Variants in GSDMC observed in about 807,000 individuals in gnomAD.
GSDMC encodes the protein gasdermin-C.
Under a neutral mutation model 58.0 loss-of-function variants are expected in GSDMC, and 59 were observed. The ratio of observed to expected loss-of-function variants is 1.02; its 90% CI spans 0.82 to 1.26. The LOEUF is 1.26. Ranked by LOEUF, GSDMC falls within the 50% of genes most tolerant of loss-of-function variation. The pLI is 0.00. For synonymous variants in GSDMC, 241 were observed against 220.2 expected (o/e 1.09, Z -0.83); for missense variants, 659 against 598.5 (o/e 1.10, Z -1.06).
chr8:129,784,937 G>T (rs1055044735), intron 1 of GSDMC, among the ~76,000 whole-genome samples: 1 of 152,064 alleles, frequency 6.6e-6, no homozygotes, highest in Admixed American at 6.5e-5. Context: ...GATTGGCTGG[G>T]TGCGGTGGCT....
intron 6 of GSDMC, among the ~76,000 whole-genome samples, chr8:129,758,874 A>T (rs1481491329): frequency 6.6e-6 from 1 of 152,174 alleles, no homozygotes; most frequent in Non-Finnish European, 1.5e-5. Flanking sequence ...TCTAAAATTC[A>T]TATGGAAGCA....
chr8:129,729,875 A>C, the GSDMC span: 1 of 1,000,460 alleles, frequency 1.0e-6, no homozygotes, highest in Non-Finnish European at 1.6e-6. Flanking sequence ...TGTAAGCAGT[A>C]TTGCCCCAAC....
chr8:129,736,842 G>C, the GSDMC span, among the ~76,000 whole-genome samples: 2 of 152,180 alleles, frequency 1.3e-5, no homozygotes, highest in Non-Finnish European at 2.9e-5. Flanking sequence ...AAAAGAGGAA[G>C]TCAAATTGTC....
Position 129,776,195 on chromosome 8 carries a change from C to T in GSDMC, c.311G>A (p.Ser104Asn), listed in dbSNP as rs2034219325. 3.1e-6 allele frequency: 5 copies of T among 1,613,882 alleles called. No homozygotes were observed. The highest frequency in any genetic ancestry group is 4.2e-6 in the Non-Finnish European group (5 of 1,179,742). Reference protein sequence around the residue: ...DMGVNVGIEVSVSGEASVDHG... With the variant: ...DMGVNVGIEVNVSGEASVDHG... ...GTCCACAGAGGCCTCCCCTGACACA[C>T]TCACTTCTATACCAACATTCACACC... The change falls in exon 3 of 14, where the codon AGT becomes AAT. Residue 104 changes from serine to asparagine, a missense_variant. Ser to Asn is a conservative substitution (Grantham distance 46). Transcript: ENST00000276708.
chr8:129,726,440 C>CT, the GSDMC span, among the ~76,000 whole-genome samples: 1 of 152,058 alleles, frequency 6.6e-6, no homozygotes, highest in Non-Finnish European at 1.5e-5. Flanking sequence ...GGTCCGGAAG[C>CT]ATATAAAGGA....
At chr8:129,729,320 T>C in the GSDMC span, 40 of 530,590 alleles carry the variant, frequency 7.5e-5, no homozygotes, top group African/African-American at 6.9e-4. Context: ...TTTTTTTAAT[T>C]ATTATTATAC....
chr8:129,765,844 T>C (rs1327213982), intron 3 of GSDMC, 51 bp from the exon 4 acceptor site: 1 of 1,524,044 alleles, frequency 6.6e-7, no homozygotes, highest in East Asian at 2.3e-5. Context: ...AGTGATGGCT[T>C]TTCAGGTTAC....
At chr8:129,754,258 G>T (rs1215350035) in intron 6 of GSDMC, among the ~76,000 whole-genome samples, 1 of 152,140 alleles carries the variant, frequency 6.6e-6, no homozygotes, top group Non-Finnish European at 1.5e-5. Flanking sequence ...GGCCACAGGG[G>T]TGCTTGCATC....
chr8:129,708,994 C>A, the GSDMC span, among the ~76,000 whole-genome samples: 1 of 152,176 alleles, frequency 6.6e-6, no homozygotes, highest in African/African-American at 2.4e-5. Context: ...GGAGGTTAAA[C>A]GAGGTAACAC....
At chr8:129,767,143 C>T (rs915529102) in intron 3 of GSDMC, among the ~76,000 whole-genome samples, 3 of 152,186 alleles carry the variant, frequency 2.0e-5, no homozygotes, top group African/African-American at 7.2e-5. Context: ...TGGAGGTCAG[C>T]CTCAGAGCCC....
chr8:129,758,481 T>TA (rs1237413074), intron 6 of GSDMC, among the ~76,000 whole-genome samples: 2 of 152,074 alleles, frequency 1.3e-5, no homozygotes, highest in African/African-American at 2.4e-5. Context: ...TAGGCTCCAC[T>TA]AAAAAAACTA....
intron 6 of GSDMC, among the ~76,000 whole-genome samples, chr8:129,755,665 A>G (rs951438003): frequency 1.3e-5 from 2 of 152,168 alleles, no homozygotes; most frequent in Non-Finnish European, 2.9e-5. Context: ...TTTTCAAGAC[A>G]TAGTACAATA....
the GSDMC span, among the ~76,000 whole-genome samples, chr8:129,712,909 G>C: frequency 6.6e-6 from 1 of 152,238 alleles, no homozygotes; most frequent in Non-Finnish European, 1.5e-5. Flanking sequence ...GCAGTGAAGA[G>C]CTCACCAAGG....
chr8:129,719,944 C>T, the GSDMC span, among the ~76,000 whole-genome samples: 1 of 152,136 alleles, frequency 6.6e-6, no homozygotes, highest in African/African-American at 2.4e-5. Flanking sequence ...GACTCCATCT[C>T]TAAATAAATA....
chr8:129,714,643 C>A, the GSDMC span, among the ~76,000 whole-genome samples: 1 of 150,752 alleles, frequency 6.6e-6, no homozygotes, highest in Non-Finnish European at 1.5e-5. Context: ...AATTTAAAAA[C>A]TTCAGTAAAT....
chr8:129,747,578 T>A (rs1471776648), downstream of GSDMC, among the ~76,000 whole-genome samples: 1 of 152,180 alleles, frequency 6.6e-6, no homozygotes, highest in African/African-American at 2.4e-5. Flanking sequence ...GGTTGATAAT[T>A]CTAGATGACA....
the GSDMC span, among the ~76,000 whole-genome samples, chr8:129,712,036 C>T: frequency 2.0e-5 from 3 of 152,278 alleles, no homozygotes; most frequent in East Asian, 1.9e-4. Context: ...GCACAAGGAT[C>T]ACCTGAGCCC....
the GSDMC span, among the ~76,000 whole-genome samples, chr8:129,738,945 T>C: frequency 6.6e-6 from 1 of 152,200 alleles, no homozygotes; most frequent in African/African-American, 2.4e-5. Context: ...GAAACCTTTA[T>C]CAATAGACTG....
chr8:129,748,187 A>G (rs546744064), downstream of GSDMC: 1 of 189,184 alleles, frequency 5.3e-6, no homozygotes, highest in Admixed American at 6.2e-5. Context: ...CAAAATGCAC[A>G]CCATTAACTA....
Sources: gnomAD v4.1 joint callset for allele counts (sites outside exome capture counted in the v4.1 genomes callset) on GRCh38, gnomAD v4.1.1 for gene constraint, MANE v1.5 for transcripts, NCBI Gene and HGNC (gene_info 2026-07-23, HGNC 2026-07-21) for gene names.